Variants in OSBPL5 observed in about 807,000 individuals in gnomAD.
OSBPL5 encodes the protein oxysterol binding protein like 5, also known as oxysterol-binding protein-related protein 5.
In OSBPL5, 71 loss-of-function variants were observed where a neutral mutation model predicts 111.2. The ratio of observed to expected loss-of-function variants is 0.64; its 90% confidence interval spans 0.53 to 0.78. The LOEUF is 0.78. OSBPL5 is among the 30% of genes least tolerant of loss of function. OSBPL5 has a pLI of 0.00. For synonymous variants in OSBPL5, 549 were observed against 513.9 expected, an observed-to-expected ratio of 1.07 and a Z score of -0.93; for missense variants, 1,210 against 1,189.3, an observed-to-expected ratio of 1.02 and a Z score of -0.26.
chr11:3,090,657 G>C lies in OSBPL5; in HGVS notation c.2299C>G (p.Gln767Glu). 1 of 1,612,394 alleles carries C rather than the reference G, an allele frequency of 6.2e-7. No individual in the cohort carries two copies. Among genetic ancestry groups the C allele is most frequent in the South Asian group, 1.1e-5 (1 of 91,032 alleles). ...PDQRLRKASD[Q>E]PSGHSQATES... Reference sequence around the variant, plus strand: ...GTGGCCTGGCTGTGGCCGGAGGGCTGGTCGCTGGCCTTGCGAAGCCGCTGG... The same window carrying C: ...GTGGCCTGGCTGTGGCCGGAGGGCTCGTCGCTGGCCTTGCGAAGCCGCTGG... The change falls in exon 20 of 22, where the codon CAG (glutamine) becomes GAG (glutamate). Residue 767 changes from glutamine (Q) to glutamate (E), a missense_variant. Transcript: ENST00000263650.
chr11:3,138,700 C>A (rs1846021690), intron 1 of OSBPL5, among the ~76,000 whole-genome samples: 2 of 152,244 alleles, frequency 1.3e-5, no homozygotes, highest in South Asian at 4.1e-4. Context: ...TGCCCCCTTG[C>A]CTGGCCCTCC....
rs750918197 is a variant in OSBPL5 at position 3,107,976 on chromosome 11, C to A, written c.692-31G>T. ...GGGCACACGGGATGAGCATGCCCCA[C>A]CCCCACCTCTGTATATCCCGCATCC... On this transcript the variant is annotated intron_variant, in intron 7 of 21. Transcript: ENST00000263650. The surrounding 1 kb of genome is among the most constrained non-coding windows in gnomAD (Gnocchi z 6.1). 1.0e-4 allele frequency: 65 copies of A among 641,788 alleles called. No homozygotes were observed. Among genetic ancestry groups the A allele is most frequent in the Non-Finnish European group, 1.4e-4 (62 of 451,024 alleles). The allele number at this position is 641,788 out of a possible 1,614,324, so 39.8% of individuals were successfully genotyped here. A position where few individuals can be genotyped will look rare whatever the true frequency, so the allele number is the denominator to read the frequency against.
chr11:3,156,291 T>A (rs958988959), intron 1 of OSBPL5, among the ~76,000 whole-genome samples: 7 of 152,206 alleles, frequency 4.6e-5, no homozygotes, highest in African/African-American at 1.7e-4. Flanking sequence ...ATCCGTGTGA[T>A]TTATGTACAT....
At position 3,142,147 on chromosome 11, in the gene OSBPL5, G is replaced by C. The variant is rs1451682772; in HGVS notation, c.-21-12978C>G. Reference sequence around the variant, plus strand: ...TTGGCCAGGCTGGTCTCCAACTCCCGACCTCAAGTGATCTGCCCTCCTCGG... The same window carrying C: ...TTGGCCAGGCTGGTCTCCAACTCCCCACCTCAAGTGATCTGCCCTCCTCGG... On this transcript the variant is annotated intron_variant, in intron 1 of 21. Transcript: ENST00000263650. The surrounding 1 kb of genome is among the most constrained non-coding windows in gnomAD (Gnocchi z 7.1). Among the ~76,000 whole-genome samples, 1 of 152,184 alleles carries C rather than the reference G, an allele frequency of 6.6e-6. No homozygotes were observed. Among genetic ancestry groups the C allele is most frequent in the African/African-American group, 2.4e-5 (1 of 41,450 alleles).
intron 1 of OSBPL5, among the ~76,000 whole-genome samples, chr11:3,138,182 T>C (rs1480595544): frequency 2.0e-5 from 3 of 152,106 alleles, no homozygotes; most frequent in Non-Finnish European, 2.9e-5. Context: ...CACTGAAGGC[T>C]CAGAGCAGCT....
chr11:3,136,310 C>T (rs1445380919), intron 1 of OSBPL5, among the ~76,000 whole-genome samples: 1 of 152,252 alleles, frequency 6.6e-6, no homozygotes, highest in African/African-American at 2.4e-5. Context: ...CAGACGCTCG[C>T]CTTCAGGCTA....
chr11:3,127,417 C>T (rs1590690075), intron 2 of OSBPL5, among the ~76,000 whole-genome samples: 2 of 152,240 alleles, frequency 1.3e-5, no homozygotes, highest in Non-Finnish European at 2.9e-5. Context: ...CCCTGACAGC[C>T]CTGGGCAGGG....
rs554434691 is a variant in OSBPL5, at chr11:3,141,289, G to A, written c.-21-12120C>T. Reference sequence around the variant, plus strand: ...AATGCACAGCGTCCTTTGACCAAGCGCCTCCTGCTCACCCGGGAACACACC... The same window carrying A: ...AATGCACAGCGTCCTTTGACCAAGCACCTCCTGCTCACCCGGGAACACACC... On this transcript the variant is annotated intron_variant, in intron 1 of 21. Coordinates refer to ENST00000263650, the MANE Select transcript of OSBPL5 (RefSeq NM_020896.4). This position sits in a 1 kb window ranked among gnomAD's most constrained non-coding sequence, Gnocchi z 6.5. 1.1e-4 allele frequency among the ~76,000 whole-genome samples: 16 copies of A among 152,212 alleles called. No homozygotes were observed. The highest frequency in any genetic ancestry group is 3.4e-4 in the African/African-American group (14 of 41,534).
rs1554896242 is a variant in OSBPL5, at chr11:3,103,730, C to CT, written c.1245-411dup. On this transcript the variant is annotated intron_variant, in intron 10 of 21. Transcript: ENST00000263650. ...TACCCCCTTCCAGGCTCTGCTGCCCCTTCCTGCCTCTGCAACCCTCTTCCA... is the reference window on the plus strand; with the variant it reads ...TACCCCCTTCCAGGCTCTGCTGCCCCTTTCCTGCCTCTGCAACCCTCTTCCA... Among the ~76,000 whole-genome samples the CT allele has an allele frequency of 8.0e-5, 7 of 87,362 alleles. 1 individual carries two copies. Among genetic ancestry groups the CT allele is most frequent in the Non-Finnish European group, 1.9e-4 (7 of 37,382 alleles). The allele number at this position is 87,362 out of a possible 152,430, so 57.3% of individuals were successfully genotyped here.
Position 3,130,677 on chromosome 11 carries a change from C to T in OSBPL5, c.-21-1508G>A, listed in dbSNP as rs2134479893. Among the ~76,000 whole-genome samples the T allele has an allele frequency of 6.6e-6, 1 of 152,312 alleles. No homozygotes were observed. The highest frequency in any genetic ancestry group is 1.9e-4 in the East Asian group (1 of 5,178). On this transcript the variant is annotated intron_variant, in intron 1 of 21. Coordinates refer to ENST00000263650, the MANE Select transcript of OSBPL5 (RefSeq NM_020896.4). This position sits in a 1 kb window ranked among gnomAD's most constrained non-coding sequence, Gnocchi z 4.5. The stretch of plus-strand genomic sequence containing the variant: ...GAGAGGCTGGCGTTTTGGCCCAGGT[C>T]ACAGAGCTAACAATCAGCAATGCCG...
rs528407187 is a variant in OSBPL5, at chr11:3,108,371, A to G, written c.692-426T>C. Among the ~76,000 whole-genome samples the G allele has an allele frequency of 1.1e-4, 17 of 152,234 alleles. No individual in the cohort carries two copies. In the South Asian group the frequency reaches 2.9e-3, roughly 26 times the overall value. ...CAGCCTCCCACCCTGATGGCCACCC[A>G]CAGGTTTCTGCAGGTGGAGTTAGGG... On this transcript the variant is annotated intron_variant, in intron 7 of 21. Coordinates refer to ENST00000263650, the MANE Select transcript of OSBPL5 (RefSeq NM_020896.4).
Position 3,106,275 on chromosome 11 carries a change from C to A in OSBPL5, c.1059+988G>T, listed in dbSNP as rs1857690224. Among the ~76,000 whole-genome samples the A allele has an allele frequency of 6.6e-6, 1 of 152,184 alleles. No individual in the cohort carries two copies. The highest frequency in any genetic ancestry group is 1.5e-5 in the Non-Finnish European group (1 of 68,034). On this transcript the variant is annotated intron_variant, in intron 9 of 21. Transcript: ENST00000263650. This position sits in a 1 kb window ranked among gnomAD's most constrained non-coding sequence, Gnocchi z 8.4. ...TCCAAACAACAGCAAGGAACGAATT[C>A]CCCTTTCCTGCTGAAACCGGGACTG...
intron 1 of OSBPL5, among the ~76,000 whole-genome samples, chr11:3,131,554 CCCATTCAT>C (rs1195507730): frequency 9.6e-6 from 1 of 103,936 alleles, no homozygotes; most frequent in Non-Finnish European, 2.0e-5. Flanking sequence ...CATCCACCCA[CCCATTCAT>C]TCATCCATCC....
At position 3,094,191 on chromosome 11, in the gene OSBPL5, C is replaced by T. The variant is rs764377706; in HGVS notation, c.1719+46G>A. The T allele has an allele frequency of 1.0e-5, 16 of 1,573,088 alleles. No homozygotes were observed. In the East Asian group the frequency reaches 1.4e-4, roughly 13 times the overall value. ...AGTGTGAGGGGGATCCCCAAGGCTTCGTTCCTTCCCTGGCCTCGTCTCCCC... is the reference window on the plus strand; with the variant it reads ...AGTGTGAGGGGGATCCCCAAGGCTTTGTTCCTTCCCTGGCCTCGTCTCCCC... On this transcript the variant is annotated intron_variant, in intron 15 of 21. Transcript: ENST00000263650.
chr11:3,089,052 C>T (rs1176972094), intron 21 of OSBPL5, among the ~76,000 whole-genome samples: 3 of 152,218 alleles, frequency 2.0e-5, no homozygotes, highest in African/African-American at 7.2e-5. Context: ...TGAGTCCTGG[C>T]CACCTGCCTG....
chr11:3,092,239 C>T lies in OSBPL5; in HGVS notation c.2259+193G>A, dbSNP rs1033032010. On this transcript the variant is annotated intron_variant, in intron 19 of 21. Coordinates refer to ENST00000263650, the MANE Select transcript of OSBPL5 (RefSeq NM_020896.4). This position sits in a 1 kb window ranked among gnomAD's most constrained non-coding sequence, Gnocchi z 5.4. Reference sequence around the variant, plus strand: ...CCCACAAGCCAAGGTGCCCCTAGAACTGAGCATCCTGCAAATCCCGGTTTC... The same window carrying T: ...CCCACAAGCCAAGGTGCCCCTAGAATTGAGCATCCTGCAAATCCCGGTTTC... Among the ~76,000 whole-genome samples, 1 of 152,136 alleles carries T rather than the reference C, an allele frequency of 6.6e-6. No individual in the cohort carries two copies. The highest frequency in any genetic ancestry group is 2.4e-5 in the African/African-American group (1 of 41,428).
In OSBPL5 at chr11:3,130,017, C is replaced by A. The variant is rs1299363256; in HGVS notation, c.-21-848G>T. 6.6e-6 allele frequency among the ~76,000 whole-genome samples: 1 copy of A among 151,586 alleles called. No individual in the cohort carries two copies. Among genetic ancestry groups the A allele is most frequent in the Non-Finnish European group, 1.5e-5 (1 of 67,844 alleles). On this transcript the variant is annotated intron_variant, in intron 1 of 21. Transcript: ENST00000263650. The surrounding 1 kb of genome is among the most constrained non-coding windows in gnomAD (Gnocchi z 4.5). ...GGAAGGAGAGAGGACAACAGGCGGT[C>A]CCCTCTGTCCTGCTCCCCACCAGCC...
chr11:3,112,841 T>C (rs1036782642), intron 7 of OSBPL5, among the ~76,000 whole-genome samples: 5 of 152,260 alleles, frequency 3.3e-5, no homozygotes, highest in Non-Finnish European at 7.3e-5. Context: ...ATGCAAATTT[T>C]GCTATTTGAT....
chr11:3,106,786 C>T lies in OSBPL5; in HGVS notation c.1059+477G>A, dbSNP rs530348611. ...TCATCTATGTTTCCTGCTGCCCATA[C>T]ACTGGGGGCCCAGAGCCCAGGTCTG... On this transcript the variant is annotated intron_variant, in intron 9 of 21. Transcript: ENST00000263650. The surrounding 1 kb of genome is among the most constrained non-coding windows in gnomAD (Gnocchi z 8.4). Among the ~76,000 whole-genome samples, 3 of 152,276 alleles carry T rather than the reference C, an allele frequency of 2.0e-5. No homozygotes were observed. Among genetic ancestry groups the T allele is most frequent in the Non-Finnish European group, 2.9e-5 (2 of 68,006 alleles).
Sources: allele counts gnomAD v4.1 joint callset (sites outside exome capture counted in the v4.1 genomes callset), GRCh38; gene constraint gnomAD v4.1.1; non-coding constraint Gnocchi (gnomAD v3.1); transcripts MANE v1.5; gene names NCBI Gene and HGNC (gene_info 2026-07-23, HGNC 2026-07-21).